The following BMPR2 variants were observed in gnomAD, a reference collection of about 807,000 sequenced individuals.
BMPR2 encodes the protein bone morphogenetic protein receptor type-2.
A neutral mutation model predicts 100.8 loss-of-function variants in BMPR2; 29 were observed. The observed-to-expected ratio is 0.29, with a 90% CI of 0.21 to 0.39. BMPR2 has a LOEUF of 0.39. Ranked by LOEUF, BMPR2 falls within the 10% of genes least tolerant of loss-of-function variation. The pLI, the probability that BMPR2 is intolerant of heterozygous loss-of-function variation, is 1.00. For missense variants in BMPR2, 1,011 were observed against 1,274.5 expected (o/e 0.79, Z 3.15); for synonymous variants, 382 against 442.3 (o/e 0.86, Z 1.71).
intron 1 of BMPR2, among the ~76,000 whole-genome samples, chr2:202,444,046 A>G (rs1057482573): frequency 4.0e-5 from 6 of 150,658 alleles, no homozygotes. Flanking sequence ...ACAACCAAAA[A>G]TGTCTCCAGA....
intron 3 of BMPR2, among the ~76,000 whole-genome samples, chr2:202,476,080 TAAA>T (rs56243938): frequency 0.08 from 7,578 of 95,282 alleles, 910 homozygotes; most frequent in African/African-American, 0.28. Context: ...GTCTCAAGGT[TAAA>T]AAAAAAAAAA....
At chr2:202,487,860 C>T (rs1436254383) in intron 3 of BMPR2, among the ~76,000 whole-genome samples, 2 of 152,120 alleles carry the variant, frequency 1.3e-5, no homozygotes, top group Non-Finnish European at 2.9e-5. Flanking sequence ...AGGGGTGCAC[C>T]ACCAACACCC....
At chr2:202,450,015 C>T (rs570532112) in intron 1 of BMPR2, among the ~76,000 whole-genome samples, 6 of 152,226 alleles carry the variant, frequency 3.9e-5, no homozygotes, top group African/African-American at 1.4e-4. Context: ...GGGGCTGAGG[C>T]AGGGGAATTG....
In BMPR2 at chr2:202,532,496, CTA is replaced by C; in HGVS notation, c.1129-88_1129-87del. The C allele has an allele frequency of 6.8e-7, 1 of 1,478,956 alleles. No individual in the cohort carries two copies. Among genetic ancestry groups the C allele is most frequent in the Non-Finnish European group, 9.4e-7 (1 of 1,069,262 alleles). 91.6% of individuals were successfully genotyped at this position (1,478,956 alleles called of 1,614,324 possible). Reference sequence around the variant, plus strand: ...TTAGGGTCAAATAACATTGACATGACTAAGATTTATATATAACTTCTGGTCTA... The same window carrying C: ...TTAGGGTCAAATAACATTGACATGACAGATTTATATATAACTTCTGGTCTA... On this transcript the variant is annotated intron_variant, in intron 8 of 12. Coordinates refer to ENST00000374580, the MANE Select transcript of BMPR2 (RefSeq NM_001204.7). The surrounding 1 kb of genome is among the most constrained non-coding windows in gnomAD (Gnocchi z 4.1).
At chr2:202,410,112 G>A (rs1319313480) in intron 1 of BMPR2, among the ~76,000 whole-genome samples, 1 of 152,028 alleles carries the variant, frequency 6.6e-6, no homozygotes, top group East Asian at 1.9e-4. Context: ...AGCCTCCCTA[G>A]TAGCTAGGAC....
At chr2:202,554,509 C>G (rs1371171937) in intron 11 of BMPR2, among the ~76,000 whole-genome samples, 1 of 152,130 alleles carries the variant, frequency 6.6e-6, no homozygotes, top group Admixed American at 6.5e-5. Flanking sequence ...GCTTCCTTTT[C>G]TTGTACTGTA....
intron 3 of BMPR2, among the ~76,000 whole-genome samples, chr2:202,497,939 AG>A (rs1411330531): frequency 2.0e-5 from 3 of 152,204 alleles, no homozygotes; most frequent in African/African-American, 7.2e-5. Flanking sequence ...CTGGAATTTT[AG>A]GATCCCTCCT....
Position 202,484,917 on chromosome 2 carries a change from C to T in BMPR2, c.418+17228C>T, listed in dbSNP as rs1410320274. On this transcript the variant is annotated intron_variant, in intron 3 of 12. Coordinates refer to ENST00000374580, the MANE Select transcript of BMPR2 (RefSeq NM_001204.7). ...CTGGGAGGTGGAGCTTGCAGTGAGCCGAAATCGTGCCACTGCACTCCAGCC... is the reference window on the plus strand; with the variant it reads ...CTGGGAGGTGGAGCTTGCAGTGAGCTGAAATCGTGCCACTGCACTCCAGCC... Among the ~76,000 whole-genome samples the T allele has an allele frequency of 2.9e-5, 4 of 139,624 alleles. No homozygotes were observed. The Admixed American group carries it at 3.2e-4, about 11-fold the overall frequency. 91.6% of individuals were successfully genotyped at this position (139,624 alleles called of 152,430 possible).
chr2:202,463,521 C>T (rs940807107), intron 1 of BMPR2, among the ~76,000 whole-genome samples: 1 of 152,160 alleles, frequency 6.6e-6, no homozygotes, highest in Non-Finnish European at 1.5e-5. Context: ...TAAAGGTACA[C>T]ATCCAAAATA....
intron 12 of BMPR2, among the ~76,000 whole-genome samples, chr2:202,557,895 A>G (rs1688609348): frequency 6.6e-6 from 1 of 152,206 alleles, no homozygotes. Flanking sequence ...GCTCCAAGTA[A>G]TGTTATACCA....
chr2:202,532,522 TAATGTCTGTTCTTCAGA>T lies in BMPR2; in HGVS notation c.1129-61_1129-45del, dbSNP rs1177663977. ...TAAGATTTATATATAACTTCTGGTC[TAATGTCTGTTCTTCAGA>T]ATATGCTACGTTCTCTCTCTAAAAA... is the stretch of plus-strand genomic sequence containing the variant. On this transcript the variant is annotated intron_variant, in intron 8 of 12. Coordinates refer to ENST00000374580, the MANE Select transcript of BMPR2 (RefSeq NM_001204.7). This position sits in a 1 kb window ranked among gnomAD's most constrained non-coding sequence, Gnocchi z 4.1. 2.6e-6 allele frequency: 4 copies of T among 1,566,064 alleles called. No homozygotes were observed. The African/African-American group carries it at 5.4e-5, about 21-fold the overall frequency.
chr2:202,552,964 C>T, intron 11 of BMPR2, 76 bp downstream of exon 11: 3 of 1,551,804 alleles, frequency 1.9e-6, no homozygotes, highest in Non-Finnish European at 2.7e-6. Context: ...AAAATAAATA[C>T]TTTTAAACCA....
chr2:202,422,724 T>C (rs1329256378), intron 1 of BMPR2, among the ~76,000 whole-genome samples: 1 of 152,220 alleles, frequency 6.6e-6, no homozygotes, highest in Non-Finnish European at 1.5e-5. Flanking sequence ...TCTCCTAGGC[T>C]GGAGTGCAGT....
At chr2:202,466,100 A>G (rs1203019827) in intron 2 of BMPR2, among the ~76,000 whole-genome samples, 2 of 152,162 alleles carry the variant, frequency 1.3e-5, no homozygotes, top group African/African-American at 4.8e-5. Context: ...AACTTTAAAC[A>G]TAATTTTTTG....
At chr2:202,439,801 G>C (rs1000119004) in intron 1 of BMPR2, among the ~76,000 whole-genome samples, 2 of 148,792 alleles carry the variant, frequency 1.3e-5, no homozygotes, top group African/African-American at 5.2e-5. Flanking sequence ...TCGGAGAGGG[G>C]GATTTGGCAG....
At chr2:202,407,508 C>A (rs928255752) in intron 1 of BMPR2, among the ~76,000 whole-genome samples, 7 of 152,076 alleles carry the variant, frequency 4.6e-5, no homozygotes, top group African/African-American at 1.7e-4. Context: ...CGTGGTCGCT[C>A]ACGCCTGTAA....
rs556238860 is a variant in BMPR2 at position 202,376,767 on chromosome 2, A to G, written c.-708A>G. Reference sequence around the variant, plus strand: ...AGCCCGGACCGGGGCCGCGACCGCGACCCCTCCCCTCCCCCGCTCCTACCT... The same window carrying G: ...AGCCCGGACCGGGGCCGCGACCGCGGCCCCTCCCCTCCCCCGCTCCTACCT... On this transcript the variant is annotated 5_prime_UTR_variant, in exon 1 of 13. Transcript: ENST00000374580. Among the ~76,000 whole-genome samples, 9 of 146,130 alleles carry G rather than the reference A, an allele frequency of 6.2e-5. No homozygotes were observed. Among genetic ancestry groups the G allele is most frequent in the African/African-American group, 2.3e-4 (9 of 39,544 alleles).
intron 3 of BMPR2, among the ~76,000 whole-genome samples, chr2:202,504,262 A>G (rs776964054): frequency 6.6e-6 from 1 of 152,078 alleles, no homozygotes; most frequent in Non-Finnish European, 1.5e-5. Context: ...TCTTTGCAAT[A>G]AATCTTGCTA....
intron 1 of BMPR2, among the ~76,000 whole-genome samples, chr2:202,382,129 G>A (rs1559019958): frequency 6.9e-6 from 1 of 144,848 alleles, no homozygotes; most frequent in Admixed American, 7.4e-5. Context: ...GCACGATCTC[G>A]ACTCATTACA....
Sources: allele counts gnomAD v4.1 joint callset (sites outside exome capture counted in the v4.1 genomes callset), GRCh38; gene constraint gnomAD v4.1.1; non-coding constraint Gnocchi (gnomAD v3.1); transcripts MANE v1.5; gene names NCBI Gene and HGNC (gene_info 2026-07-23, HGNC 2026-07-21).